DIAPH2: variants seen among roughly 807,000 people sequenced by gnomAD.
DIAPH2 encodes protein diaphanous homolog 2.
In DIAPH2, 35 loss-of-function variants were observed where a neutral mutation model predicts 92.7. The ratio of observed to expected loss-of-function variants is 0.38; its 90% CI spans 0.29 to 0.50. DIAPH2 has a LOEUF of 0.50. Ranked by LOEUF, DIAPH2 falls within the 20% of genes least tolerant of loss-of-function variation. The pLI is 0.94. For missense variants in DIAPH2, 701 were observed against 819.5 expected (o/e 0.86, Z 1.77); for synonymous variants, 301 against 280.4 (o/e 1.07, Z -0.73).
chrX:96,819,170 G>T (rs1451915014), intron 4 of DIAPH2, among the ~76,000 whole-genome samples: 1 of 112,143 alleles, frequency 8.9e-6, no homozygotes, highest in African/African-American at 3.2e-5. Context: ...TGTTGTAGAG[G>T]ACAGTGTGCA....
chrX:97,206,702 C>T (rs776905052), intron 22 of DIAPH2, among the ~76,000 whole-genome samples: 15 of 111,574 alleles, frequency 1.3e-4, no homozygotes, highest in African/African-American at 4.6e-4. Flanking sequence ...ACATCTTACG[C>T]TCTGCTGAGG....
At chrX:97,095,763 T>C (rs1423535662) in intron 19 of DIAPH2, among the ~76,000 whole-genome samples, 1 of 111,739 alleles carries the variant, frequency 8.9e-6, no homozygotes, top group Non-Finnish European at 1.9e-5. Context: ...ATTGCAGAAA[T>C]GTAAAAAGTA....
At chrX:97,051,852 T>G (rs2066522577) in intron 17 of DIAPH2, among the ~76,000 whole-genome samples, 1 of 111,834 alleles carries the variant, frequency 8.9e-6, no homozygotes. Flanking sequence ...ATTAGCTGTT[T>G]TGCTCAAAAA....
At chrX:97,007,971 C>A (rs2066196177) in intron 17 of DIAPH2, among the ~76,000 whole-genome samples, 1 of 103,304 alleles carries the variant, frequency 9.7e-6, no homozygotes, top group Non-Finnish European at 2.0e-5. Flanking sequence ...ACCGTGTTAG[C>A]CAGGATGGTC....
At chrX:97,076,530 C>T (rs1398138779) in intron 19 of DIAPH2, among the ~76,000 whole-genome samples, 1 of 106,167 alleles carries the variant, frequency 9.4e-6, no homozygotes, top group Non-Finnish European at 1.9e-5. Flanking sequence ...GACTCTGTCT[C>T]AAAAAAAAAT....
At chrX:96,927,609 A>C (rs2065592542) in intron 9 of DIAPH2, among the ~76,000 whole-genome samples, 1 of 111,452 alleles carries the variant, frequency 9.0e-6, no homozygotes, top group Non-Finnish European at 1.9e-5. Flanking sequence ...TGAGCAACTG[A>C]ATTTTTAATT....
chrX:96,912,037 G>A (rs1243494984), intron 5 of DIAPH2, among the ~76,000 whole-genome samples: 1 of 111,490 alleles, frequency 9.0e-6, no homozygotes, highest in Non-Finnish European at 1.9e-5. Flanking sequence ...TGGAGACAGA[G>A]GAAGATGAAT....
chrX:97,030,536 G>A (rs1418672180), intron 17 of DIAPH2, among the ~76,000 whole-genome samples: 6 of 110,828 alleles, frequency 5.4e-5, no homozygotes, highest in East Asian at 2.8e-4. Flanking sequence ...AGTATTATGC[G>A]TACATGTACC....
At chrX:96,694,528 A>T (rs975043433) in intron 1 of DIAPH2, among the ~76,000 whole-genome samples, 1 of 110,595 alleles carries the variant, frequency 9.0e-6, no homozygotes, top group Non-Finnish European at 1.9e-5. Context: ...TTTAGTAGAG[A>T]TGGGGTTTCC....
intron 26 of DIAPH2, among the ~76,000 whole-genome samples, chrX:97,516,636 A>G (rs1009962572): frequency 8.9e-6 from 1 of 112,439 alleles, no homozygotes; most frequent in East Asian, 2.8e-4. Context: ...TGTTTATCCT[A>G]CAGATATTGT....
intron 24 of DIAPH2, among the ~76,000 whole-genome samples, chrX:97,368,772 A>C (rs2069408362): frequency 9.0e-6 from 1 of 111,656 alleles, no homozygotes; most frequent in African/African-American, 3.3e-5. Flanking sequence ...CATTGTCTTC[A>C]TTAAGTAAGA....
intron 23 of DIAPH2, among the ~76,000 whole-genome samples, chrX:97,334,533 G>A (rs2069034641): frequency 9.2e-6 from 1 of 108,119 alleles, no homozygotes; most frequent in African/African-American, 3.4e-5. Flanking sequence ...TTCATTGCCT[G>A]GAGTGTCTTC....
chrX:96,696,482 G>A (rs2063826011), intron 1 of DIAPH2, among the ~76,000 whole-genome samples: 1 of 112,022 alleles, frequency 8.9e-6, no homozygotes, highest in Non-Finnish European at 1.9e-5. Flanking sequence ...AAGACCTCTG[G>A]ATTCCAGTTA....
chrX:97,544,643 C>T (rs1289270599), intron 26 of DIAPH2, among the ~76,000 whole-genome samples: 1 of 111,612 alleles, frequency 9.0e-6, no homozygotes, highest in Non-Finnish European at 1.9e-5. Flanking sequence ...AGTCAGTTTT[C>T]CTATAACATG....
intron 17 of DIAPH2, among the ~76,000 whole-genome samples, chrX:96,999,890 G>A (rs1602702782): frequency 9.0e-6 from 1 of 111,307 alleles, no homozygotes; most frequent in African/African-American, 3.3e-5. Context: ...AAGAACTGAC[G>A]CTTTTATAAA....
chrX:97,543,130 G>T (rs2147858122), intron 26 of DIAPH2, among the ~76,000 whole-genome samples: 1 of 112,510 alleles, frequency 8.9e-6, no homozygotes, highest in Non-Finnish European at 1.9e-5. Flanking sequence ...GCAGCCCATT[G>T]GTCCAGGGTA....
chrX:97,253,269 C>G (rs2068204195), intron 23 of DIAPH2, among the ~76,000 whole-genome samples: 1 of 43,176 alleles, frequency 2.3e-5, no homozygotes, highest in South Asian at 1.2e-3. Flanking sequence ...GCCTGGGCGG[C>G]AAAAAGAGTA....
chrX:96,943,947 T>C (rs1397730453), intron 13 of DIAPH2, among the ~76,000 whole-genome samples: 1 of 111,781 alleles, frequency 8.9e-6, no homozygotes, highest in African/African-American at 3.2e-5. Flanking sequence ...AACTTTAAAA[T>C]TGAATAAGTC....
intron 26 of DIAPH2, among the ~76,000 whole-genome samples, chrX:97,529,809 A>G (rs2147850171): frequency 8.9e-6 from 1 of 111,922 alleles, no homozygotes; most frequent in South Asian, 3.8e-4. Flanking sequence ...CAAGAAGCCT[A>G]GAGAGAGTAC....
Sources: gnomAD v4.1 joint callset for allele counts (sites outside exome capture counted in the v4.1 genomes callset) on GRCh38, gnomAD v4.1.1 for gene constraint, MANE v1.5 for transcripts, NCBI Gene and HGNC (gene_info 2026-07-23, HGNC 2026-07-21) for gene names.